The following GRID1 variants were observed in gnomAD, a reference collection of about 807,000 sequenced individuals.
GRID1 encodes the protein glutamate ionotropic receptor delta type subunit 1.
Under a neutral mutation model 98.0 loss-of-function variants are expected in GRID1, and 28 were observed. The ratio of observed to expected loss-of-function variants is 0.29; its 90% CI spans 0.21 to 0.39. The LOEUF is 0.39. Ranked by LOEUF, GRID1 falls within the 10% of genes least tolerant of loss-of-function variation. The probability of loss-of-function intolerance (pLI) is 1.00; values close to 1 mark genes in which losing one functional copy is unlikely to be tolerated. For missense variants in GRID1, 1,111 were observed against 1,340.5 expected (o/e 0.83, Z 2.67); for synonymous variants, 553 against 538.5 (o/e 1.03, Z -0.37).
intron 4 of GRID1, among the ~76,000 whole-genome samples, chr10:86,099,712 T>C (rs1844268331): frequency 6.6e-6 from 1 of 152,182 alleles, no homozygotes; most frequent in Non-Finnish European, 1.5e-5. Context: ...TTCCTGAGCA[T>C]GTGTGTCTGT....
intron 3 of GRID1, among the ~76,000 whole-genome samples, chr10:86,150,352 G>T (rs575851583): frequency 6.6e-6 from 1 of 152,326 alleles, no homozygotes; most frequent in East Asian, 1.9e-4. Flanking sequence ...TACCATGAAA[G>T]ATGAAAAAAC....
chr10:86,051,624 G>A (rs1026205785), intron 4 of GRID1, among the ~76,000 whole-genome samples: 1 of 151,790 alleles, frequency 6.6e-6, no homozygotes, highest in African/African-American at 2.4e-5. Flanking sequence ...AGAAAAATAG[G>A]CAAAGTACAT....
chr10:85,822,592 A>T (rs2131753348), intron 8 of GRID1, among the ~76,000 whole-genome samples: 1 of 152,334 alleles, frequency 6.6e-6, no homozygotes, highest in East Asian at 1.9e-4. Context: ...CATTGGTGGG[A>T]CTGTAAACTA....
intron 8 of GRID1, among the ~76,000 whole-genome samples, chr10:85,741,790 C>T (rs146570329): frequency 1.3e-3 from 192 of 152,158 alleles, no homozygotes; most frequent in South Asian, 5.6e-3. Context: ...CTGCCTTTAA[C>T]CCCAACCATC....
chr10:85,879,089 C>A (rs1387809307), intron 5 of GRID1, among the ~76,000 whole-genome samples: 1 of 152,088 alleles, frequency 6.6e-6, no homozygotes, highest in African/African-American at 2.4e-5. Flanking sequence ...AATATATATG[C>A]ACCCAATACA....
chr10:86,282,693 A>G (rs1847373634), intron 2 of GRID1, among the ~76,000 whole-genome samples: 3 of 151,592 alleles, frequency 2.0e-5, no homozygotes, highest in Admixed American at 2.0e-4. Context: ...ATCACTAGAC[A>G]CCCCCTAAAT....
chr10:85,715,566 C>T (rs1841629116), intron 12 of GRID1, among the ~76,000 whole-genome samples: 1 of 152,042 alleles, frequency 6.6e-6, no homozygotes, highest in Admixed American at 6.6e-5. Flanking sequence ...ATAGACATTT[C>T]TCAAAAGAAG....
chr10:85,876,336 T>A (rs1230520116), intron 5 of GRID1, among the ~76,000 whole-genome samples: 1 of 152,132 alleles, frequency 6.6e-6, no homozygotes, highest in Admixed American at 6.5e-5. Flanking sequence ...CCCTGGCTTG[T>A]AGCTGCATCA....
At chr10:86,272,321 T>TC (rs964466011) in intron 2 of GRID1, among the ~76,000 whole-genome samples, 9 of 152,150 alleles carry the variant, frequency 5.9e-5, no homozygotes, top group African/African-American at 2.2e-4. Context: ...TGGAAAACAG[T>TC]CAAAGGTTTA....
intron 5 of GRID1, among the ~76,000 whole-genome samples, chr10:85,902,874 T>C (rs1841408853): frequency 6.6e-6 from 1 of 152,124 alleles, no homozygotes; most frequent in African/African-American, 2.4e-5. Context: ...TGAAATGGTT[T>C]CTTCACTTGG....
At chr10:86,327,764 A>C (rs1848073436) in intron 2 of GRID1, among the ~76,000 whole-genome samples, 1 of 152,236 alleles carries the variant, frequency 6.6e-6, no homozygotes, top group South Asian at 2.1e-4. Context: ...AAGACTGATA[A>C]TATCAAGTGT....
chr10:85,675,386 G>A (rs1352675965), intron 12 of GRID1, among the ~76,000 whole-genome samples: 5 of 152,164 alleles, frequency 3.3e-5, no homozygotes, highest in Non-Finnish European at 2.9e-5. Flanking sequence ...GAAGATCTCA[G>A]CCTGGGGCAA....
At chr10:85,616,334 C>T (rs1006247845) in intron 14 of GRID1, among the ~76,000 whole-genome samples, 21 of 152,204 alleles carry the variant, frequency 1.4e-4, no homozygotes, top group African/African-American at 5.1e-4. Flanking sequence ...AGTGGTGATG[C>T]TGCTCATCAG....
intron 2 of GRID1, among the ~76,000 whole-genome samples, chr10:86,318,999 C>T (rs899894321): frequency 3.9e-5 from 6 of 152,044 alleles, no homozygotes; most frequent in African/African-American, 7.2e-5. Flanking sequence ...ATAGGTCTCA[C>T]GGAGACAGTG....
chr10:86,276,501 G>A (rs1157569626), intron 2 of GRID1, among the ~76,000 whole-genome samples: 7 of 149,764 alleles, frequency 4.7e-5, no homozygotes, highest in Non-Finnish European at 1.0e-4. Context: ...TACTCAATAC[G>A]ACTTTTTTTT....
chr10:85,972,857 C>A (rs960087526), intron 4 of GRID1, among the ~76,000 whole-genome samples: 1 of 152,126 alleles, frequency 6.6e-6, no homozygotes, highest in Non-Finnish European at 1.5e-5. Flanking sequence ...ACACAGCAAC[C>A]AGCAATGTAT....
chr10:86,121,236 C>G (rs1434529784), intron 4 of GRID1, among the ~76,000 whole-genome samples: 3 of 151,438 alleles, frequency 2.0e-5, no homozygotes, highest in Non-Finnish European at 4.4e-5. Flanking sequence ...AGCCACCTCT[C>G]AAGCTGTGCT....
In GRID1 at chr10:85,613,254, A is replaced by G. The variant is rs566054255; in HGVS notation, c.2601+153T>C. On this transcript the variant is annotated intron_variant, in intron 15 of 15. Coordinates refer to ENST00000327946, the MANE Select transcript of GRID1 (RefSeq NM_017551.3). ...TCTCTAGTTTTAAAAACAAAATAAA[A>G]CAATAACAAAATCCCCCAATATAAA... The G allele has an allele frequency of 1.4e-5, 11 of 760,356 alleles. No homozygotes were observed. In the East Asian group the frequency reaches 3.0e-4, roughly 21 times the overall value. 47.1% of individuals were successfully genotyped at this position (760,356 alleles called of 1,614,324 possible).
intron 4 of GRID1, among the ~76,000 whole-genome samples, chr10:85,981,802 T>C (rs1349114987): frequency 6.6e-6 from 1 of 152,184 alleles, no homozygotes; most frequent in Non-Finnish European, 1.5e-5. Context: ...TAGCCTCTTT[T>C]GTTACAAATG....
Sources: allele counts gnomAD v4.1 joint callset (sites outside exome capture counted in the v4.1 genomes callset), GRCh38; gene constraint gnomAD v4.1.1; transcripts MANE v1.5; gene names NCBI Gene and HGNC (gene_info 2026-07-23, HGNC 2026-07-21).